FLVCR1: variants seen among roughly 807,000 people sequenced by gnomAD.
The protein encoded by FLVCR1 is choline/ethanolamine transporter FLVCR1.
Under a neutral mutation model 53.6 loss-of-function variants are expected in FLVCR1, and 34 were observed. The ratio of observed to expected loss-of-function variants is 0.63; its 90% CI spans 0.48 to 0.84. The LOEUF (loss-of-function observed/expected upper bound fraction) is 0.84, where lower values mean the gene tolerates loss of function less well. Among genes scored for constraint, FLVCR1 ranks in the 40% least tolerant of loss-of-function variants. The probability of loss-of-function intolerance (pLI) is 0.00; values close to 1 mark genes in which losing one functional copy is unlikely to be tolerated. For missense variants in FLVCR1, 677 were observed against 696.7 expected (o/e 0.97, Z 0.32); for synonymous variants, 300 against 286.3 (o/e 1.05, Z -0.48).
Position 212,858,467 on chromosome 1 carries a change from C to G in FLVCR1, c.15C>G (p.Asp5Glu), listed in dbSNP as rs1440383588. The G allele has an allele frequency of 6.9e-7, 1 of 1,440,068 alleles. No individual in the cohort carries two copies. The highest frequency in any genetic ancestry group is 9.1e-7 in the Non-Finnish European group (1 of 1,102,080). The allele number at this position is 1,440,068 out of a possible 1,614,324, so 89.2% of individuals were successfully genotyped here. ...GAGCCTGGGATATGGCGCGGCCAGA[C>G]GATGAGGAGGGGGCGGCGGTGGCGC... MARPDDEEGAAVAPG... is the reference protein window; with the variant it reads MARPEDEEGAAVAPG... The change falls in exon 1 of 10, where the codon GAC becomes GAG. Residue 5 changes from aspartate to glutamate, a missense_variant. Asp to Glu is a conservative substitution (Grantham distance 45). Coordinates refer to ENST00000366971, the MANE Select transcript of FLVCR1 (RefSeq NM_014053.4).
In FLVCR1 at chr1:212,858,930, C is replaced by G. The variant is rs1410232275; in HGVS notation, c.478C>G (p.Leu160Val). The G allele has an allele frequency of 1.2e-6, 2 of 1,614,136 alleles. No individual in the cohort carries two copies. Among genetic ancestry groups the G allele is most frequent in the Non-Finnish European group, 1.7e-6 (2 of 1,180,052 alleles). ...SMVYMLAYVP[L>V]IFPATWLLDT... ...GGTGTACATGCTGGCCTACGTGCCC[C>G]TCATCTTCCCGGCCACCTGGCTGCT... The change falls in exon 1 of 10, where the codon CTC becomes GTC. Residue 160 changes from leucine (L) to valine (V), a missense_variant. Transcript: ENST00000366971.
chr1:212,888,810 G>T (rs1248234900), intron 7 of FLVCR1, among the ~76,000 whole-genome samples: 2 of 152,108 alleles, frequency 1.3e-5, no homozygotes, highest in East Asian at 3.8e-4. Context: ...TCTGCCTCCA[G>T]AGTTTTTGGG....
At position 212,898,818 on chromosome 1, in the gene FLVCR1, G is replaced by T. The variant is rs906901927; in HGVS notation, c.*3528G>T. Reference sequence around the variant, plus strand: ...ACACCTGGGCTAGATGGCAAAGTCTGTCGCTTCTGGGCTACAGACCTGTAC... The same window carrying T: ...ACACCTGGGCTAGATGGCAAAGTCTTTCGCTTCTGGGCTACAGACCTGTAC... On this transcript the variant is annotated 3_prime_UTR_variant, in exon 10 of 10. Transcript: ENST00000366971. 2.6e-5 allele frequency: 4 copies of T among 152,224 alleles called. No homozygotes were observed. The East Asian group carries it at 5.8e-4, about 22-fold the overall frequency. The allele number at this position is 152,224 out of a possible 1,614,324, so 9.4% of individuals were successfully genotyped here. A position where few individuals can be genotyped will look rare whatever the true frequency, so the allele number is the denominator to read the frequency against.
intron 8 of FLVCR1, among the ~76,000 whole-genome samples, chr1:212,890,772 T>C (rs1665172011): frequency 6.6e-6 from 1 of 152,224 alleles, no homozygotes; most frequent in Admixed American, 6.5e-5. Context: ...GAATTTCTTC[T>C]ACTGTTTGTG....
intron 3 of FLVCR1, among the ~76,000 whole-genome samples, chr1:212,878,923 A>T (rs1664845544): frequency 6.6e-6 from 1 of 152,080 alleles, no homozygotes; most frequent in South Asian, 2.1e-4. Context: ...CAGGAGGTCA[A>T]GGCTGCAGTG....
chr1:212,868,723 T>C (rs902943297), intron 2 of FLVCR1, among the ~76,000 whole-genome samples: 1 of 152,214 alleles, frequency 6.6e-6, no homozygotes, highest in African/African-American at 2.4e-5. Flanking sequence ...TGCATACTCT[T>C]AACAGAAATA....
At position 212,883,465 on chromosome 1, in the gene FLVCR1, A is replaced by G. The variant is rs140925894; in HGVS notation, c.1092+27A>G. The G allele has an allele frequency of 2.9e-6, 4 of 1,360,676 alleles. No homozygotes were observed. In the Admixed American group the frequency reaches 5.1e-5, roughly 17 times the overall value. The allele number at this position is 1,360,676 out of a possible 1,614,324, so 84.3% of individuals were successfully genotyped here. A position where few individuals can be genotyped will look rare whatever the true frequency, so the allele number is the denominator to read the frequency against. ...TAAGCTTCTGCTTATATCAGATTGC[A>G]TGCCTGGCCAAAAATTTTTCTTTAG... is the stretch of plus-strand genomic sequence containing the variant. On this transcript the variant is annotated intron_variant, in intron 4 of 9. Transcript: ENST00000366971.
chr1:212,897,166 CAAAT>C lies in FLVCR1; in HGVS notation c.*1920_*1923del, dbSNP rs141272551. Reference sequence around the variant, plus strand: ...CCTGGGAGATAAAGTGAGACTGTCTCAAATAAATAAATAAATAAATAAATAAATA... The same window carrying C: ...CCTGGGAGATAAAGTGAGACTGTCTCAAATAAATAAATAAATAAATAAATA... On this transcript the variant is annotated 3_prime_UTR_variant, in exon 10 of 10. Coordinates refer to ENST00000366971, the MANE Select transcript of FLVCR1 (RefSeq NM_014053.4). 9,550 of 143,340 alleles carry C rather than the reference CAAAT, an allele frequency of 0.067. 436 individuals are homozygous for C. Among genetic ancestry groups the C allele is most frequent in the African/African-American group, 0.13 (4,661 of 37,208 alleles). The allele number at this position is 143,340 out of a possible 1,614,324, so 8.9% of individuals were successfully genotyped here. A position where few individuals can be genotyped will look rare whatever the true frequency, so the allele number is the denominator to read the frequency against.
chr1:212,881,332 C>G (rs1664923585), intron 3 of FLVCR1, among the ~76,000 whole-genome samples: 1 of 110,138 alleles, frequency 9.1e-6, no homozygotes, highest in Non-Finnish European at 1.9e-5. Context: ...GACAGAGTCT[C>G]ACTCTGTCGA....
intron 1 of FLVCR1, chr1:212,863,495 A>G (rs564588668): frequency 1.1e-5 from 5 of 459,424 alleles, no homozygotes; most frequent in South Asian, 1.1e-4. Context: ...AGGCTGAGGC[A>G]GGAGAATTGC....
At chr1:212,893,870 G>A (rs1052178998) in intron 8 of FLVCR1, among the ~76,000 whole-genome samples, 2 of 152,052 alleles carry the variant, frequency 1.3e-5, no homozygotes, top group African/African-American at 4.8e-5. Context: ...CTGCCTCCTG[G>A]GTTCAAGTGA....
intron 8 of FLVCR1, among the ~76,000 whole-genome samples, chr1:212,890,220 T>C (rs1468687268): frequency 6.6e-6 from 1 of 152,240 alleles, no homozygotes; most frequent in African/African-American, 2.4e-5. Flanking sequence ...AGCAGAACTT[T>C]TTCCAGGTGC....
At chr1:212,861,171 A>G (rs924186594) in intron 1 of FLVCR1, among the ~76,000 whole-genome samples, 2 of 152,056 alleles carry the variant, frequency 1.3e-5, no homozygotes, top group Admixed American at 6.6e-5. Flanking sequence ...TGTATGCACA[A>G]CCCCTGTCCC....
At chr1:212,885,544 G>GTTTT in intron 5 of FLVCR1, 148 bp downstream of exon 5, 3 of 384,600 alleles carry the variant, frequency 7.8e-6, no homozygotes, top group East Asian at 5.2e-5. Flanking sequence ...CACTTAACAA[G>GTTTT]TGTTTCTTTT....
intron 4 of FLVCR1, among the ~76,000 whole-genome samples, chr1:212,884,078 C>T (rs41300023): frequency 1.2e-3 from 186 of 151,910 alleles, no homozygotes; most frequent in Middle Eastern, 3.4e-3. Flanking sequence ...AAGGCCGAGG[C>T]GGGTGGATCA....
chr1:212,865,976 GTTTGGTTTTT>G (rs1196721005), intron 2 of FLVCR1, among the ~76,000 whole-genome samples: 1 of 40,228 alleles, frequency 2.5e-5, no homozygotes, highest in Non-Finnish European at 6.7e-5. Context: ...AATTTTTGGG[GTTTGGTTTTT>G]TTTTTTTTTT....
chr1:212,897,053 C>A lies in FLVCR1; in HGVS notation c.*1763C>A, dbSNP rs1194408988. 2 of 58,326 alleles carry A rather than the reference C, an allele frequency of 3.4e-5. No individual in the cohort carries two copies. Among genetic ancestry groups the A allele is most frequent in the Non-Finnish European group, 1.1e-4 (2 of 17,790 alleles). The allele number at this position is 58,326 out of a possible 1,614,324, so 3.6% of individuals were successfully genotyped here. On this transcript the variant is annotated 3_prime_UTR_variant, in exon 10 of 10. Coordinates refer to ENST00000366971, the MANE Select transcript of FLVCR1 (RefSeq NM_014053.4). ...GCGCAGTGGCAGGCGCCTGTAATCC[C>A]AGCTACTCAGGAGGCTGAGGCAGGA...
intron 3 of FLVCR1, among the ~76,000 whole-genome samples, chr1:212,874,526 C>CTTT (rs61497441): frequency 4.1e-5 from 5 of 120,874 alleles, no homozygotes; most frequent in African/African-American, 9.5e-5. Flanking sequence ...TTCTTTTTTT[C>CTTT]TTTTTTTTTT....
intron 5 of FLVCR1, among the ~76,000 whole-genome samples, chr1:212,886,563 G>A (rs1026840776): frequency 1.3e-5 from 2 of 152,116 alleles, no homozygotes; most frequent in South Asian, 2.1e-4. Flanking sequence ...ATTTTGGGAG[G>A]CCAAGGCGGG....
Sources: allele counts gnomAD v4.1 joint callset (sites outside exome capture counted in the v4.1 genomes callset), GRCh38; gene constraint gnomAD v4.1.1; transcripts MANE v1.5; gene names NCBI Gene and HGNC (gene_info 2026-07-23, HGNC 2026-07-21).